The following GGH variants were observed in gnomAD, a reference collection of about 807,000 sequenced individuals.
The protein encoded by GGH is gamma-Glu-X carboxypeptidase.
GGH carries 18 observed loss-of-function variants against 39.2 expected under a neutral mutation model. That is an observed-to-expected ratio of 0.46 (90% CI 0.32 to 0.68). The LOEUF (loss-of-function observed/expected upper bound fraction) is 0.68, where lower values mean the gene tolerates loss of function less well. GGH is among the 30% of genes least tolerant of loss of function. The probability of loss-of-function intolerance (pLI) is 0.04; values close to 1 mark genes in which losing one functional copy is unlikely to be tolerated. For missense variants in GGH, 367 were observed against 384.1 expected (o/e 0.96, Z 0.37); for synonymous variants, 147 against 138.8 (o/e 1.06, Z -0.42).
chr8:63,016,205 A>G (rs1283772614), intron 8 of GGH, among the ~76,000 whole-genome samples: 1 of 152,214 alleles, frequency 6.6e-6, no homozygotes, highest in African/African-American at 2.4e-5. Flanking sequence ...AAGACCACAT[A>G]GACCAAATGC....
intron 3 of GGH, among the ~76,000 whole-genome samples, chr8:63,027,681 C>T (rs1366337575): frequency 6.6e-6 from 1 of 151,960 alleles, no homozygotes; most frequent in African/African-American, 2.4e-5. Flanking sequence ...TTTTAGCTCA[C>T]AAATAATTTA....
chr8:63,035,572 T>G (rs564628617), intron 2 of GGH, 84 bp downstream of exon 2: 2 of 1,517,446 alleles, frequency 1.3e-6, no homozygotes, highest in South Asian at 2.7e-5. Context: ...CCCAAAGTGC[T>G]AGAATTACAG....
chr8:63,032,515 A>C (rs995526492), intron 2 of GGH, among the ~76,000 whole-genome samples: 1 of 152,180 alleles, frequency 6.6e-6, no homozygotes, highest in African/African-American at 2.4e-5. Flanking sequence ...GGCAGAAAGA[A>C]GGCAGAAGGA....
intron 7 of GGH, among the ~76,000 whole-genome samples, chr8:63,021,497 G>A (rs897018540): frequency 6.6e-6 from 1 of 152,092 alleles, no homozygotes; most frequent in Non-Finnish European, 1.5e-5. Flanking sequence ...GGTAACACTA[G>A]TTATCAGCAG....
intron 8 of GGH, among the ~76,000 whole-genome samples, chr8:63,015,912 C>T (rs1317047137): frequency 1.3e-5 from 2 of 152,084 alleles, no homozygotes; most frequent in Non-Finnish European, 2.9e-5. Context: ...AGCTCAGCCT[C>T]GTAACCACAC....
At chr8:63,030,289 T>C in intron 2 of GGH, 72 bp from the exon 3 acceptor site, 1 of 738,760 alleles carries the variant, frequency 1.4e-6, no homozygotes, top group South Asian at 1.7e-5. Context: ...TCTCCACATT[T>C]ACTTTTAAAA....
Position 63,035,669 on chromosome 8 carries a change from C to G in GGH, c.211G>C (p.Val71Leu). Residue 71 changes from valine to leucine, a missense_variant, in exon 2 of 9, where the codon GTT becomes CTT. Val to Leu is a conservative substitution (Grantham distance 32). Transcript: ENST00000260118. ...VKYLESAGAR[V>L]VPVRLDLTEK... ...ACTGAATCATACCTTACTGGTACAACTCTCGCACCTGCAGACTCCAAGTAC... is the reference window on the plus strand; with the variant it reads ...ACTGAATCATACCTTACTGGTACAAGTCTCGCACCTGCAGACTCCAAGTAC... 4 of 1,605,286 alleles carry G rather than the reference C, an allele frequency of 2.5e-6. No homozygotes were observed. The highest frequency in any genetic ancestry group is 3.4e-6 in the Non-Finnish European group (4 of 1,177,256).
intron 2 of GGH, among the ~76,000 whole-genome samples, chr8:63,032,529 C>G (rs910142739): frequency 6.6e-6 from 1 of 152,098 alleles, no homozygotes; most frequent in Non-Finnish European, 1.5e-5. Context: ...AGAAGGAAAC[C>G]AAAGACAAAT....
At chr8:63,028,372 T>C (rs1293344771) in intron 3 of GGH, 1 of 152,122 alleles carries the variant, frequency 6.6e-6, no homozygotes, top group Non-Finnish European at 1.5e-5. Context: ...GACATTAACT[T>C]AGTATTTAAA....
intron 4 of GGH, 123 bp from the exon 5 acceptor site, chr8:63,026,419 A>G (rs1275196601): frequency 4.2e-6 from 3 of 707,176 alleles, no homozygotes; most frequent in African/African-American, 1.8e-5. Context: ...AGAATTCTCC[A>G]GGATCCATAA....
At chr8:63,017,210 A>G (rs1184835964) in intron 8 of GGH, 8 of 298,358 alleles carry the variant, frequency 2.7e-5, no homozygotes, top group Non-Finnish European at 4.9e-5. Flanking sequence ...AACAAAGAAA[A>G]AGAAACCAAA....
At chr8:63,016,045 G>A (rs768760361) in intron 8 of GGH, among the ~76,000 whole-genome samples, 2 of 152,184 alleles carry the variant, frequency 1.3e-5, no homozygotes, top group South Asian at 2.1e-4. Flanking sequence ...ATTTTCACTG[G>A]TAAGGCAGCA....
chr8:63,020,261 T>C (rs1423324222), intron 7 of GGH, among the ~76,000 whole-genome samples: 1 of 152,202 alleles, frequency 6.6e-6, no homozygotes, highest in African/African-American at 2.4e-5. Context: ...ATCTCAAGTG[T>C]TCCTATTTTG....
Position 63,038,760 on chromosome 8 carries a change from A to T in GGH, c.9T>A (p.Ser3Arg). 2.6e-6 allele frequency: 4 copies of T among 1,558,548 alleles called. No individual in the cohort carries two copies. The South Asian group carries it at 4.7e-5, about 18-fold the overall frequency. Residue 3 changes from serine to arginine, a missense_variant, in exon 1 of 9, where the codon AGT (serine) becomes AGA (arginine). Ser to Arg is a moderately radical substitution (Grantham distance 110). Transcript: ENST00000260118. MA[S>R]PGCLLCVLGL... is the part of the protein sequence containing the mutation. ...CCAGCACGCACAGCAGGCAGCCCGG[A>T]CTGGCCATGGCGCTCGCCGCCTCCC...
At chr8:63,023,822 TATG>T in intron 7 of GGH, 82 bp downstream of exon 7, 1 of 1,011,734 alleles carries the variant, frequency 9.9e-7, no homozygotes, top group Non-Finnish European at 1.3e-6. Flanking sequence ...CCCAAAGTAA[TATG>T]ATTTTATTGA....
intron 5 of GGH, chr8:63,024,444 T>C (rs2129651752): frequency 9.2e-6 from 3 of 325,270 alleles, no homozygotes. Context: ...CCGATATGAG[T>C]ATTGGCAAGC....
At chr8:63,031,248 T>C (rs1804797093) in intron 2 of GGH, among the ~76,000 whole-genome samples, 1 of 152,180 alleles carries the variant, frequency 6.6e-6, no homozygotes, top group Non-Finnish European at 1.5e-5. Context: ...TGGGATCTAC[T>C]CTAAGTCCAA....
chr8:63,015,577 C>G lies in GGH; in HGVS notation c.836-124G>C, dbSNP rs184311173. The G allele has an allele frequency of 1.5e-5, 8 of 534,426 alleles. No homozygotes were observed. In the East Asian group the frequency reaches 2.8e-4, roughly 18 times the overall value. The allele number at this position is 534,426 out of a possible 1,614,324, so 33.1% of individuals were successfully genotyped here. On this transcript the variant is annotated intron_variant, in intron 8 of 8. Coordinates refer to ENST00000260118, the MANE Select transcript of GGH (RefSeq NM_003878.3). The stretch of plus-strand genomic sequence containing the variant: ...GAAAATATCAACAAGAAGAGAAATG[C>G]GACTGCTCTTCCTATAGAACAGCCA...
At chr8:63,026,430 G>A in intron 4 of GGH, 134 bp from the exon 5 acceptor site, 1 of 676,978 alleles carries the variant, frequency 1.5e-6, no homozygotes. Context: ...GGATCCATAA[G>A]TAGGCTATCA....
Sources: gnomAD v4.1 joint callset for allele counts (sites outside exome capture counted in the v4.1 genomes callset) on GRCh38, gnomAD v4.1.1 for gene constraint, MANE v1.5 for transcripts, NCBI Gene and HGNC (gene_info 2026-07-23, HGNC 2026-07-21) for gene names.